TULP4: variants seen among roughly 807,000 people sequenced by gnomAD.
TULP4 encodes the protein tubby-related protein 4.
TULP4 carries 16 observed loss-of-function variants against 129.0 expected under a neutral mutation model. The ratio of observed to expected loss-of-function variants is 0.12; its 90% CI spans 0.08 to 0.19. TULP4 has a LOEUF of 0.19. Ranked by LOEUF, TULP4 falls within the 10% of genes least tolerant of loss-of-function variation. The pLI is 1.00. For missense variants in TULP4, 1,842 were observed against 2,059.1 expected (o/e 0.89, Z 2.04); for synonymous variants, 998 against 854.0 (o/e 1.17, Z -2.94).
At chr6:158,236,790 C>CTTTTTTTTTTT in intron 1 of TULP4, among the ~76,000 whole-genome samples, 1 of 33,116 alleles carries the variant, frequency 3.0e-5, no homozygotes, top group Non-Finnish European at 6.2e-5. Context: ...ATGCCCAATT[C>CTTTTTTTTTTT]TTTTCTTTTT....
At chr6:158,322,198 TCA>T (rs753154279) in intron 1 of TULP4, among the ~76,000 whole-genome samples, 1 of 152,242 alleles carries the variant, frequency 6.6e-6, no homozygotes, top group African/African-American at 2.4e-5. Context: ...CAGCAAAAAC[TCA>T]CTGCAGCTCT....
At chr6:158,269,864 G>A (rs1466401875) in intron 1 of TULP4, among the ~76,000 whole-genome samples, 3 of 152,208 alleles carry the variant, frequency 2.0e-5, no homozygotes, top group Admixed American at 6.5e-5. Context: ...AGCCAGGCCC[G>A]GTGCCCGGCA....
chr6:158,448,366 G>A (rs1779098690), intron 3 of TULP4, among the ~76,000 whole-genome samples: 1 of 152,110 alleles, frequency 6.6e-6, no homozygotes, highest in South Asian at 2.1e-4. Flanking sequence ...TCAGCATAGT[G>A]TTTAGTGCAA....
chr6:158,378,896 T>A (rs1292923631), intron 1 of TULP4, among the ~76,000 whole-genome samples: 1 of 152,224 alleles, frequency 6.6e-6, no homozygotes. Flanking sequence ...AATTTGGACC[T>A]GGAGAAGTCA....
At chr6:158,458,819 C>T (rs1779353287) in intron 5 of TULP4, among the ~76,000 whole-genome samples, 1 of 152,212 alleles carries the variant, frequency 6.6e-6, no homozygotes, top group African/African-American at 2.4e-5. Flanking sequence ...TCAACTCCTG[C>T]AGAAAACTCA....
intron 1 of TULP4, among the ~76,000 whole-genome samples, chr6:158,356,582 G>T (rs890493073): frequency 8.5e-5 from 13 of 152,156 alleles, no homozygotes; most frequent in Non-Finnish European, 4.4e-5. Flanking sequence ...CCAGAAAAAT[G>T]GGCAGTTAGG....
Position 158,337,035 on chromosome 6 carries a change from TTTTCTTTCTTTC to T in TULP4, c.252+22795_252+22806del, listed in dbSNP as rs777358592. Among the ~76,000 whole-genome samples, 29 of 26,682 alleles carry T rather than the reference TTTTCTTTCTTTC, an allele frequency of 1.1e-3. No individual in the cohort carries two copies. In the East Asian group the frequency reaches 0.081, roughly 74 times the overall value. The allele number at this position is 26,682 out of a possible 152,430, so 17.5% of individuals were successfully genotyped here. On this transcript the variant is annotated intron_variant, in intron 1 of 13. Coordinates refer to ENST00000367097, the MANE Select transcript of TULP4 (RefSeq NM_020245.5). ...GAGCTGTAAAATTTTCTTTCTTTCT[TTTTCTTTCTTTC>T]TTTCTTTCTTTCTTTCTTTCTTTCT... is the stretch of plus-strand genomic sequence containing the variant.
At chr6:158,454,993 G>T (rs975869619) in intron 5 of TULP4, among the ~76,000 whole-genome samples, 1 of 151,752 alleles carries the variant, frequency 6.6e-6, no homozygotes, top group East Asian at 2.0e-4. Context: ...ACCCAAAGTA[G>T]CCCTCCCAAA....
intron 1 of TULP4, among the ~76,000 whole-genome samples, chr6:158,266,773 G>A: frequency 6.6e-6 from 1 of 152,192 alleles, no homozygotes; most frequent in East Asian, 1.9e-4. Flanking sequence ...TTTTATATGA[G>A]AGACTTGAAC....
At chr6:158,441,135 G>A (rs1778887847) in intron 3 of TULP4, among the ~76,000 whole-genome samples, 1 of 152,056 alleles carries the variant, frequency 6.6e-6, no homozygotes, top group Non-Finnish European at 1.5e-5. Flanking sequence ...AGCCAACGTG[G>A]TGAAACCCCG....
Position 158,503,228 on chromosome 6 carries a change from G to T in TULP4, c.3565G>T (p.Val1189Leu). ...ATFQTGYGMGVPYPGSYNNPP... is the reference protein window; with the variant it reads ...ATFQTGYGMGLPYPGSYNNPP... Reference sequence around the variant, plus strand: ...TTTCCAAACAGGCTATGGGATGGGAGTGCCATATCCAGGAAGCTATAACAA... The same window carrying T: ...TTTCCAAACAGGCTATGGGATGGGATTGCCATATCCAGGAAGCTATAACAA... The change falls in exon 13 of 14, where the codon GTG (valine) becomes TTG (leucine). Residue 1189 changes from valine to leucine, a missense_variant. Coordinates refer to ENST00000367097, the MANE Select transcript of TULP4 (RefSeq NM_020245.5). The surrounding 1 kb of genome is among the most constrained non-coding windows in gnomAD (Gnocchi z 4.3). 1 of 1,614,096 alleles carries T rather than the reference G, an allele frequency of 6.2e-7. No individual in the cohort carries two copies. Among genetic ancestry groups the T allele is most frequent in the Non-Finnish European group, 8.5e-7 (1 of 1,180,030 alleles).
At chr6:158,340,502 G>A (rs1168090965) in intron 1 of TULP4, among the ~76,000 whole-genome samples, 1 of 152,096 alleles carries the variant, frequency 6.6e-6, no homozygotes, top group Non-Finnish European at 1.5e-5. Flanking sequence ...CTGGAGGAAA[G>A]GGGTGGTTCC....
chr6:158,319,387 G>C (rs911771999), intron 1 of TULP4, among the ~76,000 whole-genome samples: 1 of 148,480 alleles, frequency 6.7e-6, no homozygotes, highest in Non-Finnish European at 1.5e-5. Context: ...TTTCATTTCC[G>C]GGAAGGCTGA....
At chr6:158,451,492 C>T (rs898528212) in intron 4 of TULP4, among the ~76,000 whole-genome samples, 9 of 152,206 alleles carry the variant, frequency 5.9e-5, no homozygotes, top group African/African-American at 2.2e-4. Context: ...TTCAAACACC[C>T]TGTGAAAGAC....
At chr6:158,342,693 A>G (rs1205038421) in intron 1 of TULP4, among the ~76,000 whole-genome samples, 1 of 152,208 alleles carries the variant, frequency 6.6e-6, no homozygotes, top group East Asian at 1.9e-4. Context: ...ACCATGGCAT[A>G]AAGAATGTAG....
chr6:158,261,006 G>C (rs1778343207), intron 1 of TULP4, among the ~76,000 whole-genome samples: 1 of 151,914 alleles, frequency 6.6e-6, no homozygotes, highest in African/African-American at 2.4e-5. Flanking sequence ...ATTTTTAGTA[G>C]AGATGGGGTT....
intron 8 of TULP4, among the ~76,000 whole-genome samples, chr6:158,482,289 T>C (rs1779965050): frequency 6.6e-6 from 1 of 152,192 alleles, no homozygotes; most frequent in Non-Finnish European, 1.5e-5. Context: ...GCTTGCTCAC[T>C]CTCAACTTGT....
rs371697094 is a variant in TULP4, at chr6:158,481,957, G to A, written c.1486+668G>A. Among the ~76,000 whole-genome samples, 8 of 152,242 alleles carry A rather than the reference G, an allele frequency of 5.3e-5. No individual in the cohort carries two copies. In the South Asian group the frequency reaches 6.2e-4, roughly 12 times the overall value. The stretch of plus-strand genomic sequence containing the variant: ...GCCACTTGGTACTAGGCTAGTGTCC[G>A]TGCACCCATCAGTCACTGCCAGCTC... On this transcript the variant is annotated intron_variant, in intron 8 of 13. Transcript: ENST00000367097.
rs1162148567 is a variant in TULP4 at position 158,239,433 on chromosome 6, C to T, written n.68+7130C>T. Among the ~76,000 whole-genome samples, 4 of 68,240 alleles carry T rather than the reference C, an allele frequency of 5.9e-5. No individual in the cohort carries two copies. The South Asian group carries it at 1.6e-3, about 27-fold the overall frequency. 44.8% of individuals were successfully genotyped at this position (68,240 alleles called of 152,430 possible). On this transcript the variant is annotated intron_variant and non_coding_transcript_variant, in intron 1 of 1. Coordinates refer to the TULP4 transcript ENST00000620026. The stretch of plus-strand genomic sequence containing the variant: ...GGGGCTGACCCCCCCACCTCCCTCC[C>T]GGACGGGGCGGCTGGCCGGGTGGGG...
Sources: allele counts gnomAD v4.1 joint callset (sites outside exome capture counted in the v4.1 genomes callset), GRCh38; gene constraint gnomAD v4.1.1; non-coding constraint Gnocchi (gnomAD v3.1); transcripts MANE v1.5; gene names NCBI Gene and HGNC (gene_info 2026-07-23, HGNC 2026-07-21).